The following NOTCH1 variants were observed in gnomAD, a reference collection of about 807,000 sequenced individuals.
NOTCH1 encodes neurogenic locus notch homolog protein 1.
Under a neutral mutation model 254.8 loss-of-function variants are expected in NOTCH1, and 37 were observed. That is an observed-to-expected ratio of 0.15 (90% CI 0.11 to 0.19). The LOEUF is 0.19. NOTCH1 is among the 10% of genes least tolerant of loss of function. NOTCH1 has a pLI of 1.00. For synonymous variants in NOTCH1, 1,731 were observed against 1,618.1 expected, an observed-to-expected ratio of 1.07 and a Z score of -1.68; for missense variants, 2,972 against 3,708.6, an observed-to-expected ratio of 0.80 and a Z score of 5.16.
intron 33 of NOTCH1, among the ~76,000 whole-genome samples, chr9:136,497,967 C>A (rs979884579): frequency 6.6e-6 from 1 of 152,284 alleles, no homozygotes; most frequent in Middle Eastern, 3.4e-3. Flanking sequence ...TCTGGACGGC[C>A]ATCAAGCCAC....
intron 12 of NOTCH1, among the ~76,000 whole-genome samples, chr9:136,514,996 A>G (rs1293340807): frequency 1.3e-5 from 2 of 152,214 alleles, no homozygotes; most frequent in Non-Finnish European, 2.9e-5. Flanking sequence ...GGTGAGCCAC[A>G]GAGGCAGAAG....
chr9:136,514,062 G>C (rs978723609), intron 13 of NOTCH1, among the ~76,000 whole-genome samples: 1 of 152,178 alleles, frequency 6.6e-6, no homozygotes, highest in African/African-American at 2.4e-5. Flanking sequence ...CAAGTGCAGG[G>C]CAGTAGGGTG....
Position 136,497,774 on chromosome 9 carries a change from A to G in NOTCH1, c.6181-216T>C, listed in dbSNP as rs918389187. Reference sequence around the variant, plus strand: ...GATACATCTTCTGAAACCCACCCAGAGAGGGGATCTGTGCAGTCCTCTACC... The same window carrying G: ...GATACATCTTCTGAAACCCACCCAGGGAGGGGATCTGTGCAGTCCTCTACC... On this transcript the variant is annotated intron_variant, in intron 33 of 33. Transcript: ENST00000651671. Among the ~76,000 whole-genome samples, 22 of 152,210 alleles carry G rather than the reference A, an allele frequency of 1.4e-4. 1 individual carries two copies. In the East Asian group the frequency reaches 4.3e-3, roughly 29 times the overall value.
intron 15 of NOTCH1, 124 bp downstream of exon 15, chr9:136,512,897 T>C: frequency 3.0e-6 from 2 of 670,220 alleles, no homozygotes; most frequent in Non-Finnish European, 5.3e-6. Context: ...CAGTCACGGC[T>C]TCCCAGGCCG....
chr9:136,522,517 G>GC (rs1417448552), intron 4 of NOTCH1: 1 of 341,976 alleles, frequency 2.9e-6, no homozygotes, highest in Non-Finnish European at 5.3e-6. Context: ...TCCGGCCCCA[G>GC]CCCCACTGCA....
intron 2 of NOTCH1, among the ~76,000 whole-genome samples, chr9:136,537,379 C>T (rs1358719266): frequency 3.3e-5 from 5 of 152,208 alleles, no homozygotes; most frequent in Non-Finnish European, 5.9e-5. Context: ...ACCTATGGCA[C>T]AATTCCATTC....
chr9:136,510,011 C>T (rs1843153633), intron 17 of NOTCH1, 50 bp from the exon 18 acceptor site: 1 of 1,546,432 alleles, frequency 6.5e-7, no homozygotes, highest in South Asian at 1.1e-5. Flanking sequence ...AAACCCACAC[C>T]TGCGGGAGGG....
rs745989428 is a variant in NOTCH1 at position 136,496,863 on chromosome 9, C to T, written c.6876G>A (p.Gly2292=). 2.5e-6 allele frequency: 4 copies of T among 1,612,800 alleles called. No individual in the cohort carries two copies. The South Asian group carries it at 3.3e-5, about 13-fold the overall frequency. The change falls in exon 34 of 34, where the codon GGG becomes GGA. Residue 2292 remains glycine (G), a synonymous_variant. Coordinates refer to ENST00000651671, the MANE Select transcript of NOTCH1 (RefSeq NM_017617.5). ...ACCCGCCCACAGTGAAATTCAGGGC[C>T]CCTCCGCTGCTGGAGCCCAGGACGG... ...TSTVLGSSSG[G]ALNFTVGGST...
chr9:136,506,966 G>A lies in NOTCH1; in HGVS notation c.3651C>T (p.His1217=), dbSNP rs2133344348. The part of the protein sequence containing the change: ...CSCPRGTQGV[H]CEINVDDCNP... ...TGCAGTCGTCCACGTTGATCTCACA[G>A]TGCACACCTGCGGGGCCAGGTTTCG... The change falls in exon 23 of 34, where the codon CAC becomes CAT. Residue 1217 remains histidine, a synonymous_variant. Coordinates refer to ENST00000651671, the MANE Select transcript of NOTCH1 (RefSeq NM_017617.5). The surrounding 1 kb of genome is among the most constrained non-coding windows in gnomAD (Gnocchi z 4.5). The A allele has an allele frequency of 6.2e-7, 1 of 1,604,540 alleles. No individual in the cohort carries two copies. Among genetic ancestry groups the A allele is most frequent in the Non-Finnish European group, 8.5e-7 (1 of 1,176,788 alleles).
chr9:136,502,973 C>T (rs747551466), intron 27 of NOTCH1: 9 of 729,442 alleles, frequency 1.2e-5, no homozygotes, highest in Middle Eastern at 2.2e-4. Context: ...TGGCTGGACT[C>T]GTTCCCAGGT....
intron 2 of NOTCH1, among the ~76,000 whole-genome samples, chr9:136,527,269 A>T (rs1297731500): frequency 1.6e-4 from 24 of 152,214 alleles, no homozygotes; most frequent in Non-Finnish European, 2.9e-4. Flanking sequence ...GGTGGGAGGG[A>T]CCTCAGGCCT....
chr9:136,525,657 C>T (rs1305380454), intron 2 of NOTCH1, among the ~76,000 whole-genome samples: 1 of 152,256 alleles, frequency 6.6e-6, no homozygotes, highest in Admixed American at 6.5e-5. Context: ...GGACCCCCAC[C>T]GGCCCCCCAA....
chr9:136,520,956 C>G (rs1343947726), intron 4 of NOTCH1, among the ~76,000 whole-genome samples: 1 of 152,300 alleles, frequency 6.6e-6, no homozygotes, highest in Admixed American at 6.5e-5. Flanking sequence ...CCTCGGCCAG[C>G]GACCCCACGA....
At position 136,513,549 on chromosome 9, in the gene NOTCH1, A is replaced by G. The variant is rs2133358916; in HGVS notation, c.2208-12T>C. The G allele has an allele frequency of 6.2e-7, 1 of 1,612,678 alleles. No homozygotes were observed. Among genetic ancestry groups the G allele is most frequent in the Non-Finnish European group, 8.5e-7 (1 of 1,179,904 alleles). On this transcript the variant is annotated splice_polypyrimidine_tract_variant and intron_variant, in intron 13 of 33. Coordinates refer to ENST00000651671, the MANE Select transcript of NOTCH1 (RefSeq NM_017617.5). The surrounding 1 kb of genome is among the most constrained non-coding windows in gnomAD (Gnocchi z 4.7). The stretch of plus-strand genomic sequence containing the variant: ...AGTCGCACTTGTACCTGCAAGGGGG[A>G]CCACACTGCAGGTCGAGGGAGGCCC...
intron 2 of NOTCH1, among the ~76,000 whole-genome samples, chr9:136,525,670 C>A (rs1404249093): frequency 6.6e-6 from 1 of 152,250 alleles, no homozygotes; most frequent in African/African-American, 2.4e-5. Context: ...CCCCCCAAGT[C>A]CTCGCCTCCT....
Position 136,544,097 on chromosome 9 carries a change from G to A in NOTCH1, c.67C>T (p.Arg23Ter). 1 of 1,572,570 alleles carries A rather than the reference G, an allele frequency of 6.4e-7. No individual in the cohort carries two copies. ...CAGGTCTCACCGGGCTGGGAGCATC[G>A]CGGGCCTAGGCAGGGGCAGGAGAAG... ...LLPALAARGP[R>*]CSQPGETCLN... Residue 23 changes from arginine to a stop codon, truncating the protein, a stop_gained, in exon 2 of 34, where the codon CGA (arginine) becomes TGA (stop). Coordinates refer to ENST00000651671, the MANE Select transcript of NOTCH1 (RefSeq NM_017617.5). LOFTEE classifies it high-confidence loss of function.
chr9:136,544,569 G>A (rs575719792), intron 1 of NOTCH1, among the ~76,000 whole-genome samples: 13 of 152,260 alleles, frequency 8.5e-5, no homozygotes, highest in South Asian at 4.1e-4. Flanking sequence ...GGGGGGAGGG[G>A]GGGTGGCCAC....
chr9:136,510,073 TG>T, intron 17 of NOTCH1, 112 bp from the exon 18 acceptor site: 1 of 1,013,782 alleles, frequency 9.9e-7, no homozygotes, highest in Non-Finnish European at 1.5e-6. Context: ...TTGCCGAGGC[TG>T]CGGCAAGCAG....
chr9:136,545,992 G>GAGCC lies in NOTCH1; in HGVS notation c.-207_-206insGGCT, dbSNP rs1843811804. Among the ~76,000 whole-genome samples, 3 of 124,014 alleles carry GAGCC rather than the reference G, an allele frequency of 2.4e-5. No individual in the cohort carries two copies. The highest frequency in any genetic ancestry group is 2.2e-4 in the Admixed American group (3 of 13,590). The allele number at this position is 124,014 out of a possible 152,430, so 81.4% of individuals were successfully genotyped here. A position where few individuals can be genotyped will look rare whatever the true frequency, so the allele number is the denominator to read the frequency against. ...TCGTTCCTTCGCTGCGCTCGCGCCC[G>GAGCC]CGCCCGCGCCCCGCGCCCCGCGCCC... On this transcript the variant is annotated 5_prime_UTR_variant, in exon 1 of 34. Transcript: ENST00000651671. This position sits in a 1 kb window ranked among gnomAD's most constrained non-coding sequence, Gnocchi z 6.8.
Sources: gnomAD v4.1 joint callset for allele counts (sites outside exome capture counted in the v4.1 genomes callset) on GRCh38, gnomAD v4.1.1 for gene constraint, Gnocchi (gnomAD v3.1) non-coding constraint, MANE v1.5 for transcripts, NCBI Gene and HGNC (gene_info 2026-07-23, HGNC 2026-07-21) for gene names.